The following SLC17A2 variants were observed in gnomAD, a reference collection of about 807,000 sequenced individuals.
SLC17A2 encodes solute carrier family 17 member 2, also known as sodium-dependent phosphate transport protein 3.
Under a neutral mutation model 52.1 loss-of-function variants are expected in SLC17A2, and 38 were observed. The ratio of observed to expected loss-of-function variants is 0.73; its 90% CI spans 0.56 to 0.96. SLC17A2 has a LOEUF of 0.96. Among genes scored for constraint, SLC17A2 ranks in the 40% least tolerant of loss-of-function variants. The pLI, the probability that SLC17A2 is intolerant of heterozygous loss-of-function variation, is 0.00. For synonymous variants in SLC17A2, 226 were observed against 211.9 expected (o/e 1.07, Z -0.58); for missense variants, 508 against 583.9 (o/e 0.87, Z 1.34).
chr6:25,930,478 C>T lies in SLC17A2; in HGVS notation c.-285G>A, dbSNP rs1160191639. ...ACTTCTCCTAAAACTGTTCCCTCCC[C>T]TTAATGGACCTTTGGTAAGTTAGTA... On this transcript the variant is annotated 5_prime_UTR_variant, in exon 1 of 12. Transcript: ENST00000377850. 1 of 152,234 alleles carries T rather than the reference C, an allele frequency of 6.6e-6. No homozygotes were observed. The highest frequency in any genetic ancestry group is 1.5e-5 in the Non-Finnish European group (1 of 68,044). The allele number at this position is 152,234 out of a possible 1,614,324, so 9.4% of individuals were successfully genotyped here.
intron 2 of SLC17A2, 71 bp downstream of exon 2, chr6:25,925,698 G>A: frequency 7.5e-7 from 1 of 1,339,498 alleles, no homozygotes; most frequent in Admixed American, 1.7e-5. Context: ...GTGTGATGCA[G>A]AGATGTGTAA....
chr6:25,918,374 CTT>C, intron 6 of SLC17A2, 111 bp downstream of exon 6: 1 of 690,068 alleles, frequency 1.4e-6, no homozygotes, highest in Non-Finnish European at 2.6e-6. Context: ...TTTTTATCAT[CTT>C]CCATTTGATA....
Position 25,925,854 on chromosome 6 carries a change from T to A in SLC17A2, c.-58A>T. On this transcript the variant is annotated 5_prime_UTR_variant, in exon 2 of 12. Transcript: ENST00000377850. ...TGGTGGAGTTTCCCTGTGCCCTGAA[T>A]CTCTTTTACTACGACAGTCTTTTAT... is the stretch of plus-strand genomic sequence containing the variant. The A allele has an allele frequency of 6.6e-7, 1 of 1,522,650 alleles. No individual in the cohort carries two copies. The highest frequency in any genetic ancestry group is 9.1e-7 in the Non-Finnish European group (1 of 1,096,520). 94.3% of individuals were successfully genotyped at this position (1,522,650 alleles called of 1,614,324 possible).
Position 25,923,891 on chromosome 6 carries a change from G to T in SLC17A2, c.44C>A (p.Ser15Ter). ...GATAAGAGCCAGCCCATAGCGTAATGAACAGAAATCTGGACCTAGACAACA... is the reference window on the plus strand; with the variant it reads ...GATAAGAGCCAGCCCATAGCGTAATTAACAGAAATCTGGACCTAGACAACA... ...PATRKGPDFC[S>*]LRYGLALIMH... Residue 15 changes from serine (S) to a stop codon, truncating the protein, a stop_gained, in exon 3 of 12, where the codon TCA becomes TAA. Coordinates refer to ENST00000377850, the MANE Select transcript of SLC17A2 (RefSeq NM_001286123.3). LOFTEE classifies it high-confidence loss of function. 2 of 1,613,984 alleles carry T rather than the reference G, an allele frequency of 1.2e-6. No individual in the cohort carries two copies. The highest frequency in any genetic ancestry group is 1.7e-6 in the Non-Finnish European group (2 of 1,179,974).
intron 8 of SLC17A2, 57 bp downstream of exon 8, chr6:25,916,628 A>T: frequency 7.1e-7 from 1 of 1,415,176 alleles, no homozygotes; most frequent in African/African-American, 1.4e-5. Flanking sequence ...GGTAACACAG[A>T]ACTGTTTCTC....
chr6:25,915,935 C>T (rs1268921400), intron 8 of SLC17A2, 67 bp from the exon 9 acceptor site: 1 of 1,489,452 alleles, frequency 6.7e-7, no homozygotes, highest in Non-Finnish European at 9.1e-7. Context: ...GTCAGTTACA[C>T]AGACCAGCCA....
Position 25,921,405 on chromosome 6 carries a change from A to G in SLC17A2, c.248T>C (p.Val83Ala). ...CTGAGTTTCTGGGCTCCATTGATAC[A>G]CAGAGGCCTGGGGGAAAAATAGGAA... ...SIKEFDTKAS[V>A]YQWSPETQGI... The change falls in exon 4 of 12, where the codon GTG becomes GCG. Residue 83 changes from valine to alanine, a missense_variant. Physicochemically the swap from Val to Ala is moderately conservative, Grantham distance 64. Coordinates refer to ENST00000377850, the MANE Select transcript of SLC17A2 (RefSeq NM_001286123.3). 7 of 1,610,848 alleles carry G rather than the reference A, an allele frequency of 4.3e-6. No homozygotes were observed. Among genetic ancestry groups the G allele is most frequent in the Non-Finnish European group, 5.9e-6 (7 of 1,177,166 alleles).
chr6:25,917,001 T>C lies in SLC17A2; in HGVS notation c.736A>G (p.Lys246Glu). ...GCCAGTGAGGACAGGATGTGCTCCT[T>C]TTCCCTAACACTTATGCACGGGTGA... The part of the protein sequence containing the change: ...MHHPCISVRE[K>E]EHILSSLAQQ... Residue 246 changes from lysine (K) to glutamate (E), a missense_variant, in exon 7 of 12, where the codon AAG becomes GAG. Lys to Glu is a moderately conservative substitution (Grantham distance 56, BLOSUM62 1). Transcript: ENST00000377850. The C allele has an allele frequency of 6.2e-7, 1 of 1,614,152 alleles. No individual in the cohort carries two copies. The highest frequency in any genetic ancestry group is 8.5e-7 in the Non-Finnish European group (1 of 1,180,002).
In SLC17A2 at chr6:25,917,586, A is replaced by C. The variant is rs190509755; in HGVS notation, c.650-499T>G. Among the ~76,000 whole-genome samples the C allele has an allele frequency of 5.1e-4, 78 of 152,352 alleles. No homozygotes were observed. In the Middle Eastern group the frequency reaches 0.02, roughly 40 times the overall value. Reference sequence around the variant, plus strand: ...CATCCATTATGGATTCCCAAAAGAAATATTTTTGTACAATACCTGGTTAAC... The same window carrying C: ...CATCCATTATGGATTCCCAAAAGAACTATTTTTGTACAATACCTGGTTAAC... On this transcript the variant is annotated intron_variant, in intron 6 of 11. Coordinates refer to ENST00000377850, the MANE Select transcript of SLC17A2 (RefSeq NM_001286123.3).
intron 6 of SLC17A2, among the ~76,000 whole-genome samples, chr6:25,918,012 A>G (rs1766395179): frequency 6.6e-6 from 1 of 152,076 alleles, no homozygotes; most frequent in African/African-American, 2.4e-5. Flanking sequence ...TAAGCCCTGG[A>G]AGGGCCCATG....
intron 5 of SLC17A2, among the ~76,000 whole-genome samples, chr6:25,919,491 A>G (rs1027253339): frequency 1.3e-5 from 2 of 151,684 alleles, no homozygotes; most frequent in African/African-American, 4.8e-5. Context: ...GCGGATCACG[A>G]GGTCAGGAGA....
intron 3 of SLC17A2, 86 bp downstream of exon 3, chr6:25,923,609 C>T: frequency 9.9e-7 from 1 of 1,005,218 alleles, no homozygotes; most frequent in Non-Finnish European, 1.6e-6. Context: ...GAAATGTATA[C>T]TTCCATACTC....
At chr6:25,926,126 G>A (rs1216896874) in intron 1 of SLC17A2, among the ~76,000 whole-genome samples, 1 of 152,082 alleles carries the variant, frequency 6.6e-6, no homozygotes, top group East Asian at 1.9e-4. Flanking sequence ...GTTCAATAAA[G>A]ATAAGGCTCC....
At chr6:25,925,498 G>A (rs1295833087) in intron 2 of SLC17A2, among the ~76,000 whole-genome samples, 2 of 136,908 alleles carry the variant, frequency 1.5e-5, no homozygotes, top group Non-Finnish European at 1.5e-5. Flanking sequence ...GTGAGACAGA[G>A]CAAGACTCAG....
chr6:25,922,929 C>T (rs1766610039), intron 3 of SLC17A2, among the ~76,000 whole-genome samples: 1 of 152,170 alleles, frequency 6.6e-6, no homozygotes. Context: ...GGCACAGTGG[C>T]TCACACCTGT....
chr6:25,913,460 A>G lies in SLC17A2; in HGVS notation c.1303-9T>C, dbSNP rs746884184. On this transcript the variant is annotated splice_polypyrimidine_tract_variant and intron_variant, in intron 11 of 11. Coordinates refer to ENST00000377850, the MANE Select transcript of SLC17A2 (RefSeq NM_001286123.3). Reference sequence around the variant, plus strand: ...CAACCAGACTCAAAATCCTAGATGTAAAAAACAGAGAAAATGATCAATCTC... The same window carrying G: ...CAACCAGACTCAAAATCCTAGATGTGAAAAACAGAGAAAATGATCAATCTC... The G allele has an allele frequency of 9.3e-6, 15 of 1,613,222 alleles. No homozygotes were observed. Among genetic ancestry groups the G allele is most frequent in the East Asian group, 2.2e-5 (1 of 44,866 alleles).
At chr6:25,925,495 A>G (rs1006034281) in intron 2 of SLC17A2, among the ~76,000 whole-genome samples, 15 of 148,236 alleles carry the variant, frequency 1.0e-4, no homozygotes, top group Non-Finnish European at 4.5e-5. Flanking sequence ...CCTGTGAGAC[A>G]GAGCAAGACT....
At chr6:25,919,699 C>CAAAAAAAA (rs766352177) in intron 5 of SLC17A2, among the ~76,000 whole-genome samples, 347 of 31,150 alleles carry the variant, frequency 0.011, 52 homozygotes, top group Non-Finnish European at 0.016. Flanking sequence ...GACACCGTCT[C>CAAAAAAAA]AAAAAAAAAA....
rs893831590 is a variant in SLC17A2 at position 25,930,579 on chromosome 6, G to A, written c.-386C>T. On this transcript the variant is annotated 5_prime_UTR_variant, in exon 1 of 12. Coordinates refer to ENST00000377850, the MANE Select transcript of SLC17A2 (RefSeq NM_001286123.3). ...CAGTATTTTAAGCCCTAGACTATAA[G>A]GCTAACTTGGAAAAGGAGGGAGTTT... 1 of 152,128 alleles carries A rather than the reference G, an allele frequency of 6.6e-6. No individual in the cohort carries two copies. The highest frequency in any genetic ancestry group is 1.5e-5 in the Non-Finnish European group (1 of 68,030). 9.4% of individuals were successfully genotyped at this position (152,128 alleles called of 1,614,324 possible). A position where few individuals can be genotyped will look rare whatever the true frequency, so the allele number is the denominator to read the frequency against.
Sources: gnomAD v4.1 joint callset for allele counts (sites outside exome capture counted in the v4.1 genomes callset) on GRCh38, gnomAD v4.1.1 for gene constraint, MANE v1.5 for transcripts, NCBI Gene and HGNC (gene_info 2026-07-23, HGNC 2026-07-21) for gene names.